Variants in NFKB1 observed in about 807,000 individuals in gnomAD.
The protein encoded by NFKB1 is nuclear factor NF-kappa-B p105 subunit.
NFKB1 carries 9 observed loss-of-function variants against 105.1 expected under a neutral mutation model. That is an observed-to-expected ratio of 0.09 (90% CI 0.05 to 0.15). The LOEUF (loss-of-function observed/expected upper bound fraction) is 0.15. Ranked by LOEUF, NFKB1 falls within the 10% of genes least tolerant of loss-of-function variation. The pLI, the probability that NFKB1 is intolerant of heterozygous loss-of-function variation, is 1.00. For missense variants in NFKB1, 830 were observed against 1,203.7 expected (o/e 0.69, Z 4.59); for synonymous variants, 440 against 442.2 (o/e 1.00, Z 0.06).
rs1740867085 is a variant in NFKB1 at position 102,525,702 on chromosome 4, T to C, written c.39+145T>C. On this transcript the variant is annotated intron_variant, in intron 2 of 23. Transcript: ENST00000226574. ...ATTTCAGTTTCTCTGTCCTTTCATG[T>C]GAAGTTGGAGAGGATATGTCATGTG... The C allele has an allele frequency of 2.8e-5, 20 of 723,810 alleles. No individual in the cohort carries two copies. In the South Asian group the frequency reaches 4.0e-4, roughly 14 times the overall value. 44.8% of individuals were successfully genotyped at this position (723,810 alleles called of 1,614,324 possible). A position where few individuals can be genotyped will look rare whatever the true frequency, so the allele number is the denominator to read the frequency against.
rs1419903660 is a variant in NFKB1 at position 102,532,539 on chromosome 4, AATTGCTTGAACCCAGGAAGCAGAG to A, written c.119-1301_119-1278del. On this transcript the variant is annotated intron_variant, in intron 3 of 23. Transcript: ENST00000226574. ...AGCTCCTCTGGAGGCTGAGGCAGAG[AATTGCTTGAACCCAGGAAGCAGAG>A]ATTGTGGTGAGCCGAGATTGTGCCA... 6.6e-5 allele frequency among the ~76,000 whole-genome samples: 10 copies of A among 152,228 alleles called. 1 individual carries two copies. Among genetic ancestry groups the A allele is most frequent in the African/African-American group, 2.4e-4 (10 of 41,546 alleles).
chr4:102,525,389 A>G, intron 1 of NFKB1, 123 bp from the exon 2 acceptor site: 1 of 838,014 alleles, frequency 1.2e-6, no homozygotes, highest in Non-Finnish European at 1.9e-6. Context: ...TGGTCTTCAA[A>G]AAAGGATTAT....
chr4:102,606,425 G>C (rs1204794237), intron 16 of NFKB1, 71 bp from the exon 17 acceptor site: 1 of 1,446,916 alleles, frequency 6.9e-7, no homozygotes, highest in African/African-American at 1.4e-5. Flanking sequence ...TGCAGTAACA[G>C]CTACCAAGCT....
rs4648088 is a variant in NFKB1 at position 102,601,791 on chromosome 4, G to A, written c.1752+782G>A. 4.5e-3 allele frequency among the ~76,000 whole-genome samples: 690 copies of A among 152,310 alleles called. 3 individuals carry two copies. Among genetic ancestry groups the A allele is most frequent in the Middle Eastern group, 0.02 (6 of 294 alleles). On this transcript the variant is annotated intron_variant, in intron 16 of 23. Coordinates refer to ENST00000226574, the MANE Select transcript of NFKB1 (RefSeq NM_003998.4). The stretch of plus-strand genomic sequence containing the variant: ...CCCCAGCCAGCCTTTCTGGCTGAGC[G>A]ACTGCACTGGCATGAAACCAAGATG...
At chr4:102,512,125 T>C (rs1236636431) in intron 1 of NFKB1, among the ~76,000 whole-genome samples, 1 of 152,214 alleles carries the variant, frequency 6.6e-6, no homozygotes. Context: ...TCCTCAGTTG[T>C]TAGTAAAAAA....
intron 1 of NFKB1, among the ~76,000 whole-genome samples, chr4:102,522,243 A>G (rs1245470572): frequency 1.3e-5 from 2 of 152,214 alleles, no homozygotes; most frequent in Admixed American, 1.3e-4. Context: ...TCCTTTCCAA[A>G]TGATTCTTGG....
intron 19 of NFKB1, among the ~76,000 whole-genome samples, chr4:102,608,390 T>C (rs956260294): frequency 1.3e-5 from 2 of 152,192 alleles, no homozygotes; most frequent in African/African-American, 4.8e-5. Flanking sequence ...CAGATCCCAC[T>C]TCAGGGTTCC....
chr4:102,586,710 G>T (rs991907537), intron 11 of NFKB1, among the ~76,000 whole-genome samples: 2 of 152,184 alleles, frequency 1.3e-5, no homozygotes, highest in African/African-American at 4.8e-5. Flanking sequence ...AGGGGCTGTG[G>T]CACAAACAAA....
chr4:102,528,032 A>G (rs918453742), intron 2 of NFKB1, among the ~76,000 whole-genome samples: 7 of 152,098 alleles, frequency 4.6e-5, no homozygotes, highest in Admixed American at 2.6e-4. Context: ...TTGGTGGTTT[A>G]TATTTCCTAA....
rs762827991 is a variant in NFKB1, at chr4:102,612,123, A to G, written c.2419+13A>G. 1.2e-6 allele frequency: 2 copies of G among 1,609,670 alleles called. No individual in the cohort carries two copies. Among genetic ancestry groups the G allele is most frequent in the South Asian group, 1.1e-5 (1 of 90,992 alleles). On this transcript the variant is annotated intron_variant, in intron 21 of 23. Transcript: ENST00000226574. ...TTACTAGCACAAGGTGGGTTGTGAT[A>G]AAACCAGATTCTCTTAACCATTATT...
At chr4:102,592,155 A>G (rs1726229672) in intron 11 of NFKB1, among the ~76,000 whole-genome samples, 1 of 152,240 alleles carries the variant, frequency 6.6e-6, no homozygotes, top group Non-Finnish European at 1.5e-5. Flanking sequence ...TGGATGAGCA[A>G]AGAAAGTAGT....
intron 5 of NFKB1, among the ~76,000 whole-genome samples, chr4:102,565,670 C>CCTCCCTCT (rs1363142970): frequency 6.6e-6 from 1 of 151,946 alleles, no homozygotes; most frequent in Admixed American, 6.6e-5. Flanking sequence ...TCCCATCCTC[C>CCTCCCTCT]CTCCCTCTCT....
chr4:102,566,156 A>T (rs1723849479), intron 5 of NFKB1, among the ~76,000 whole-genome samples: 1 of 152,188 alleles, frequency 6.6e-6, no homozygotes, highest in African/African-American at 2.4e-5. Context: ...AAGAAAGAGG[A>T]TATCTAAGTG....
chr4:102,559,077 A>C (rs1042350948), intron 5 of NFKB1, among the ~76,000 whole-genome samples: 2 of 151,762 alleles, frequency 1.3e-5, no homozygotes, highest in Non-Finnish European at 2.9e-5. Flanking sequence ...AGGCAGAAGA[A>C]ATAGAAAGTG....
chr4:102,532,419 G>A (rs1214107421), intron 3 of NFKB1, among the ~76,000 whole-genome samples: 12 of 152,272 alleles, frequency 7.9e-5, no homozygotes, highest in African/African-American at 2.6e-4. Context: ...ACGAGCTCAG[G>A]AGTTCAAGAC....
At chr4:102,607,810 T>A (rs1236995064) in intron 19 of NFKB1, 59 bp downstream of exon 19, 1 of 1,436,658 alleles carries the variant, frequency 7.0e-7, no homozygotes. Flanking sequence ...CAAACCCAAC[T>A]TCAATAGAGC....
chr4:102,526,665 C>A (rs777644135), intron 2 of NFKB1, among the ~76,000 whole-genome samples: 2 of 152,260 alleles, frequency 1.3e-5, no homozygotes, highest in South Asian at 4.1e-4. Flanking sequence ...TCACTTTTCT[C>A]ATTTGTAAAA....
chr4:102,575,376 C>T (rs906942757), intron 6 of NFKB1, among the ~76,000 whole-genome samples: 2 of 152,132 alleles, frequency 1.3e-5, no homozygotes, highest in Non-Finnish European at 2.9e-5. Flanking sequence ...ACCTTCCTAC[C>T]TTAGCTTGTT....
chr4:102,576,773 C>T, intron 6 of NFKB1, 103 bp from the exon 7 acceptor site: 1 of 1,184,396 alleles, frequency 8.4e-7, no homozygotes, highest in Non-Finnish European at 1.2e-6. Context: ...GCATTGAGGG[C>T]CTGTGTATTT....
Sources: allele counts gnomAD v4.1 joint callset (sites outside exome capture counted in the v4.1 genomes callset), GRCh38; gene constraint gnomAD v4.1.1; transcripts MANE v1.5; gene names NCBI Gene and HGNC (gene_info 2026-07-23, HGNC 2026-07-21).